Variants in LRBA observed in about 807,000 individuals in gnomAD.
The protein encoded by LRBA is lipopolysaccharide-responsive and beige-like anchor protein.
A neutral mutation model predicts 330.0 loss-of-function variants in LRBA; 176 were observed. That is an observed-to-expected ratio of 0.53 (90% CI 0.47 to 0.60). The LOEUF is 0.60. Ranked by LOEUF, LRBA falls within the 20% of genes least tolerant of loss-of-function variation. The pLI is 0.00. For synonymous variants in LRBA, 1,230 were observed against 1,193.0 expected (o/e 1.03, Z -0.64); for missense variants, 3,259 against 3,444.8 (o/e 0.95, Z 1.35).
intron 11 of LRBA, 137 bp downstream of exon 11, chr4:150,908,197 G>T (rs1378389365): frequency 2.7e-6 from 2 of 736,538 alleles, no homozygotes; most frequent in Non-Finnish European, 4.4e-6. Flanking sequence ...AATTAATATG[G>T]ACTTGTAATA....
chr4:150,868,916 C>T (rs369917270), intron 20 of LRBA, among the ~76,000 whole-genome samples: 82 of 151,838 alleles, frequency 5.4e-4, no homozygotes, highest in Middle Eastern at 3.4e-3. Context: ...CCAGCCTAAG[C>T]GACACAGCAA....
intron 44 of LRBA, among the ~76,000 whole-genome samples, 171 bp from the exon 45 acceptor site, chr4:150,437,035 A>T (rs545325825): frequency 6.6e-6 from 1 of 152,170 alleles, no homozygotes; most frequent in Non-Finnish European, 1.5e-5. Flanking sequence ...ATTTTTTCCA[A>T]CAAGTTAAAC....
At chr4:150,692,207 T>A (rs1784202916) in intron 36 of LRBA, among the ~76,000 whole-genome samples, 1 of 127,092 alleles carries the variant, frequency 7.9e-6, no homozygotes, top group African/African-American at 4.4e-5. Context: ...TTAAGAAGTG[T>A]TTGTTTGTTT....
chr4:150,422,976 C>A, intron 46 of LRBA: 1 of 781,198 alleles, frequency 1.3e-6, no homozygotes, highest in South Asian at 1.3e-5. Flanking sequence ...AGAAGTATTT[C>A]TGGTCCAATG....
At position 150,321,657 on chromosome 4, in the gene LRBA, C is replaced by T. The variant is rs983481351; in HGVS notation, c.7453-289G>A. ...TGAGCTCCCTTTCCCTCCCCACTGC[C>T]ACGAAAAACTAAAAGAATGATTTGA... On this transcript the variant is annotated intron_variant, in intron 49 of 56. Coordinates refer to ENST00000651943, the MANE Select transcript of LRBA (RefSeq NM_001364905.1). The surrounding 1 kb of genome is among the most constrained non-coding windows in gnomAD (Gnocchi z 4.5). Among the ~76,000 whole-genome samples the T allele has an allele frequency of 3.9e-5, 6 of 152,102 alleles. No homozygotes were observed. The highest frequency in any genetic ancestry group is 1.4e-4 in the African/African-American group (6 of 41,504).
chr4:150,488,550 A>C (rs1010486993), intron 41 of LRBA, among the ~76,000 whole-genome samples: 9 of 151,546 alleles, frequency 5.9e-5, no homozygotes, highest in Non-Finnish European at 1.2e-4. Flanking sequence ...TTTAGCAATA[A>C]ATGTTAATTT....
chr4:150,505,922 A>G (rs980243599), intron 40 of LRBA, among the ~76,000 whole-genome samples: 1 of 152,218 alleles, frequency 6.6e-6, no homozygotes, highest in Non-Finnish European at 1.5e-5. Flanking sequence ...AGAAATACAA[A>G]CTACCATCAG....
At chr4:150,876,939 T>A (rs1754099337) in intron 17 of LRBA, among the ~76,000 whole-genome samples, 1 of 152,004 alleles carries the variant, frequency 6.6e-6, no homozygotes, top group Non-Finnish European at 1.5e-5. Flanking sequence ...AAAACAAAAC[T>A]CATCCATCTA....
intron 36 of LRBA, among the ~76,000 whole-genome samples, chr4:150,727,755 C>CA (rs201972929): frequency 0.012 from 1,809 of 148,708 alleles, 13 homozygotes; most frequent in Non-Finnish European, 0.018. Context: ...ATGCCCGTGT[C>CA]AAAAAAAAAG....
Position 150,264,837 on chromosome 4 carries a change from A to G in LRBA, c.*885T>C, listed in dbSNP as rs1399809392. The G allele has an allele frequency of 6.5e-6, 1 of 152,672 alleles. No homozygotes were observed. The highest frequency in any genetic ancestry group is 1.5e-5 in the Non-Finnish European group (1 of 68,050). The allele number at this position is 152,672 out of a possible 1,614,324, so 9.5% of individuals were successfully genotyped here. A position where few individuals can be genotyped will look rare whatever the true frequency, so the allele number is the denominator to read the frequency against. On this transcript the variant is annotated 3_prime_UTR_variant, in exon 57 of 57. Transcript: ENST00000651943. ...GGTGGAGATGATAGTTTAATAACAA[A>G]TAGTAAAACAGGTGTTGCTGAATAC... is the stretch of plus-strand genomic sequence containing the variant.
chr4:150,460,236 CT>C (rs1754595737), intron 44 of LRBA, among the ~76,000 whole-genome samples: 1 of 151,748 alleles, frequency 6.6e-6, no homozygotes, highest in African/African-American at 2.4e-5. Flanking sequence ...AAGATGCATG[CT>C]GTATATTAAA....
rs374314411 is a variant in LRBA, at chr4:150,790,011, C to T, written c.5580+8070G>A. Reference sequence around the variant, plus strand: ...AGACTAGTTGTAAAACAGTAGGGTGCCAAATTAAAACACATTTTATTTTCA... The same window carrying T: ...AGACTAGTTGTAAAACAGTAGGGTGTCAAATTAAAACACATTTTATTTTCA... On this transcript the variant is annotated intron_variant, in intron 34 of 56. Coordinates refer to ENST00000651943, the MANE Select transcript of LRBA (RefSeq NM_001364905.1). Among the ~76,000 whole-genome samples, 39 of 152,272 alleles carry T rather than the reference C, an allele frequency of 2.6e-4. No individual in the cohort carries two copies. The South Asian group carries it at 4.1e-3, about 16-fold the overall frequency.
chr4:150,520,644 A>T (rs1278580110), intron 40 of LRBA, among the ~76,000 whole-genome samples: 3 of 152,164 alleles, frequency 2.0e-5, no homozygotes, highest in Non-Finnish European at 1.5e-5. Flanking sequence ...AGCAACATGG[A>T]TACAGCTAGA....
chr4:150,312,108 A>C (rs1252114359), intron 51 of LRBA, among the ~76,000 whole-genome samples: 1 of 152,114 alleles, frequency 6.6e-6, no homozygotes, highest in Non-Finnish European at 1.5e-5. Context: ...GGAGGACCTC[A>C]GCAGATTTGG....
intron 40 of LRBA, among the ~76,000 whole-genome samples, chr4:150,533,210 G>T (rs1764239004): frequency 6.6e-6 from 1 of 151,858 alleles, no homozygotes; most frequent in African/African-American, 2.4e-5. Context: ...TTTGAGACAG[G>T]GTCTCAGTCA....
chr4:150,681,392 A>G (rs1330219063), intron 37 of LRBA, among the ~76,000 whole-genome samples: 1 of 151,832 alleles, frequency 6.6e-6, no homozygotes, highest in Non-Finnish European at 1.5e-5. Context: ...ATTTTCTTAC[A>G]TGGACCTTAA....
At chr4:150,703,980 A>T (rs62346294) in intron 36 of LRBA, among the ~76,000 whole-genome samples, 24,328 of 152,030 alleles carry the variant, frequency 0.16, 4,593 homozygotes, top group African/African-American at 0.46. Context: ...CAAGGTGGGA[A>T]GATCACTTGA....
chr4:150,874,388 A>G (rs984250438), intron 17 of LRBA, among the ~76,000 whole-genome samples: 31 of 152,302 alleles, frequency 2.0e-4, no homozygotes, highest in African/African-American at 7.2e-4. Context: ...AGCACACACA[A>G]TTCAAACTGG....
intron 48 of LRBA, among the ~76,000 whole-genome samples, chr4:150,326,508 G>A (rs1300122112): frequency 3.3e-5 from 5 of 152,162 alleles, no homozygotes; most frequent in Admixed American, 3.3e-4. Context: ...GTGTATGTGT[G>A]CTCTTTTTGA....
Sources: allele counts gnomAD v4.1 joint callset (sites outside exome capture counted in the v4.1 genomes callset), GRCh38; gene constraint gnomAD v4.1.1; non-coding constraint Gnocchi (gnomAD v3.1); transcripts MANE v1.5; gene names NCBI Gene and HGNC (gene_info 2026-07-23, HGNC 2026-07-21).